The following OR3A2 variants were observed in gnomAD, a reference collection of about 807,000 sequenced individuals.
OR3A2 encodes the protein olfactory receptor 3A2.
For missense variants in OR3A2, 318 were observed against 392.8 expected (o/e 0.81, Z 1.61); for synonymous variants, 126 against 159.3 (o/e 0.79, Z 1.57).
chr17:3,382,037 G>C (rs1263507830), intron 2 of OR3A2, among the ~76,000 whole-genome samples: 1 of 152,192 alleles, frequency 6.6e-6, no homozygotes, highest in African/African-American at 2.4e-5. Context: ...CAAGAAGCAG[G>C]AGTGAGGTGT....
At chr17:3,315,141 TA>T (rs972066872) in intron 3 of OR3A2, among the ~76,000 whole-genome samples, 4 of 152,224 alleles carry the variant, frequency 2.6e-5, no homozygotes, top group Admixed American at 2.0e-4. Flanking sequence ...AGCTCAGTAG[TA>T]AACATATAAG....
chr17:3,374,654 G>A (rs1383558369), intron 2 of OR3A2, among the ~76,000 whole-genome samples: 6 of 151,864 alleles, frequency 4.0e-5, no homozygotes, highest in East Asian at 3.9e-4. Flanking sequence ...TTTTCTTTAC[G>A]GTTTCTATTT....
intron 2 of OR3A2, among the ~76,000 whole-genome samples, chr17:3,338,192 T>C (rs531497582): frequency 1.3e-4 from 20 of 152,308 alleles, no homozygotes; most frequent in Non-Finnish European, 1.3e-4. Flanking sequence ...GATGGGTAGA[T>C]TGCAAAAATT....
At chr17:3,339,646 C>T (rs1430941303) in intron 2 of OR3A2, among the ~76,000 whole-genome samples, 2 of 151,984 alleles carry the variant, frequency 1.3e-5, no homozygotes, top group South Asian at 2.1e-4. Flanking sequence ...GGTGGATAAG[C>T]TTTTTGATGT....
At chr17:3,336,596 A>G (rs2049276119) in intron 2 of OR3A2, among the ~76,000 whole-genome samples, 1 of 152,214 alleles carries the variant, frequency 6.6e-6, no homozygotes, top group Non-Finnish European at 1.5e-5. Context: ...GCAATTATTA[A>G]TTGAAAATCT....
intron 3 of OR3A2, among the ~76,000 whole-genome samples, chr17:3,304,012 A>G (rs1597328520): frequency 7.5e-6 from 1 of 134,190 alleles, no homozygotes; most frequent in Admixed American, 7.6e-5. Context: ...ATATATATAT[A>G]TGTACCAAAA....
intron 3 of OR3A2, among the ~76,000 whole-genome samples, chr17:3,302,770 G>A (rs535641390): frequency 2.6e-5 from 4 of 152,296 alleles, no homozygotes; most frequent in Admixed American, 1.3e-4. Context: ...ATGCTTTGCT[G>A]TTGGTCTCGT....
intron 2 of OR3A2, among the ~76,000 whole-genome samples, chr17:3,343,935 A>G (rs2150649251): frequency 6.6e-6 from 1 of 152,316 alleles, no homozygotes; most frequent in South Asian, 2.1e-4. Context: ...ATCACCATGG[A>G]CAACCTATGT....
At chr17:3,307,612 T>C (rs540760640) in intron 3 of OR3A2, among the ~76,000 whole-genome samples, 31 of 152,332 alleles carry the variant, frequency 2.0e-4, no homozygotes, top group African/African-American at 6.7e-4. Flanking sequence ...CTTTGTGGTG[T>C]TGGAGGCATG....
At chr17:3,278,651 C>A (rs1248150430) in exon 2 of OR3A2, 1 of 1,463,154 alleles carries the variant, frequency 6.8e-7, no homozygotes, top group Admixed American at 1.8e-5. Flanking sequence ...ACTTGTGGGA[C>A]AAGAGACGAC....
intron 2 of OR3A2, among the ~76,000 whole-genome samples, chr17:3,347,348 C>G (rs541636275): frequency 1.3e-5 from 2 of 152,252 alleles, no homozygotes; most frequent in East Asian, 3.9e-4. Context: ...CACCCACTAA[C>G]TCATCTTCTA....
rs1313622950 is a variant in OR3A2, at chr17:3,329,025, G to A, written c.-85+7008C>T. On this transcript the variant is annotated intron_variant, in intron 3 of 4. Transcript: ENST00000573491. ...TGCTGGATTACATTTATTGATTTGC[G>A]TATATTGAACCAGCCTTGCATCCCA... is the stretch of plus-strand genomic sequence containing the variant. Among the ~76,000 whole-genome samples, 1,349 of 150,272 alleles carry A rather than the reference G, an allele frequency of 9.0e-3. 23 individuals carry two copies. Among genetic ancestry groups the A allele is most frequent in the African/African-American group, 0.031 (1,266 of 40,648 alleles).
At chr17:3,366,922 A>C (rs2049569211) in intron 2 of OR3A2, among the ~76,000 whole-genome samples, 1 of 152,206 alleles carries the variant, frequency 6.6e-6, no homozygotes, top group South Asian at 2.1e-4. Flanking sequence ...CATTAGCCAG[A>C]ACCAGGTCAT....
intron 2 of OR3A2, among the ~76,000 whole-genome samples, chr17:3,364,178 G>A (rs2049543367): frequency 6.6e-6 from 1 of 152,166 alleles, no homozygotes; most frequent in South Asian, 2.1e-4. Flanking sequence ...TGTGACAGAG[G>A]AAGCAGATAG....
At chr17:3,371,208 C>T (rs2064850754) in intron 2 of OR3A2, among the ~76,000 whole-genome samples, 1 of 151,786 alleles carries the variant, frequency 6.6e-6, no homozygotes, top group African/African-American at 2.4e-5. Context: ...CAGAGGCGCC[C>T]CTCACCTCCC....
chr17:3,366,611 T>A (rs940368571), intron 2 of OR3A2, among the ~76,000 whole-genome samples: 1 of 152,222 alleles, frequency 6.6e-6, no homozygotes, highest in African/African-American at 2.4e-5. Context: ...ACTCTCTACC[T>A]TACCCCTATT....
At chr17:3,344,962 C>T (rs1346273787) in intron 2 of OR3A2, among the ~76,000 whole-genome samples, 1 of 152,138 alleles carries the variant, frequency 6.6e-6, no homozygotes, top group African/African-American at 2.4e-5. Context: ...CACTTTTGCT[C>T]CATCTCTTAG....
rs148470957 is a variant in OR3A2, at chr17:3,359,603, C to G, written c.-178-23477G>C. Among the ~76,000 whole-genome samples the G allele has an allele frequency of 2.5e-3, 379 of 151,728 alleles. 16 individuals are homozygous for G. The highest frequency in any genetic ancestry group is 0.017 in the Middle Eastern group (5 of 294). ...CTCTAAGAATGTTGATTATAGGTCC[C>G]CAATCTCTTCTGGCTTGTAGGGTTT... On this transcript the variant is annotated intron_variant, in intron 2 of 4. Coordinates refer to the OR3A2 transcript ENST00000573491.
intron 3 of OR3A2, among the ~76,000 whole-genome samples, chr17:3,293,069 A>G (rs914577753): frequency 5.9e-5 from 9 of 152,182 alleles, no homozygotes; most frequent in African/African-American, 2.2e-4. Context: ...GGATTCAAGA[A>G]CAGTAAAGAT....
Sources: gnomAD v4.1 joint callset for allele counts (sites outside exome capture counted in the v4.1 genomes callset) on GRCh38, gnomAD v4.1.1 for gene constraint, MANE v1.5 for transcripts, NCBI Gene and HGNC (gene_info 2026-07-23, HGNC 2026-07-21) for gene names.